Variants in NXPH1 observed in about 807,000 individuals in gnomAD.
NXPH1 encodes the protein neurexophilin 1.
A neutral mutation model predicts 23.7 loss-of-function variants in NXPH1; 5 were observed. The observed-to-expected ratio is 0.21, with a 90% CI of 0.11 to 0.44. The LOEUF (loss-of-function observed/expected upper bound fraction) is 0.44, where lower values mean the gene tolerates loss of function less well. Among genes scored for constraint, NXPH1 ranks in the 20% least tolerant of loss-of-function variants. NXPH1 has a pLI of 0.99. For synonymous variants in NXPH1, 144 were observed against 122.2 expected (o/e 1.18, Z -1.18); for missense variants, 324 against 321.6 (o/e 1.01, Z -0.06).
intron 2 of NXPH1, among the ~76,000 whole-genome samples, chr7:8,664,823 GTCT>G (rs754543750): frequency 3.9e-5 from 6 of 151,916 alleles, no homozygotes; most frequent in Non-Finnish European, 7.4e-5. Context: ...CCATTTGTAT[GTCT>G]TCTTTTAAGA....
At chr7:8,454,944 T>C (rs1013271344) in intron 2 of NXPH1, among the ~76,000 whole-genome samples, 1 of 152,152 alleles carries the variant, frequency 6.6e-6, no homozygotes, top group Admixed American at 6.5e-5. Context: ...TGAAGAGATT[T>C]CAAAAGAAGT....
At chr7:8,652,231 A>C (rs1299059378) in intron 2 of NXPH1, among the ~76,000 whole-genome samples, 1 of 152,186 alleles carries the variant, frequency 6.6e-6, no homozygotes, top group Non-Finnish European at 1.5e-5. Flanking sequence ...GCTGTAACAA[A>C]ATCACCTTTA....
At chr7:8,594,496 G>A (rs186799095) in intron 2 of NXPH1, among the ~76,000 whole-genome samples, 38 of 152,168 alleles carry the variant, frequency 2.5e-4, no homozygotes, top group Admixed American at 2.4e-3. Context: ...TAGATGCATA[G>A]TCTATGTGCC....
chr7:8,480,560 C>G (rs1817055554), intron 2 of NXPH1, among the ~76,000 whole-genome samples: 1 of 152,182 alleles, frequency 6.6e-6, no homozygotes, highest in Non-Finnish European at 1.5e-5. Context: ...ATTTCTAACA[C>G]TTGGTGTCAG....
chr7:8,531,460 C>G (rs1043791128), intron 2 of NXPH1, among the ~76,000 whole-genome samples: 21 of 152,132 alleles, frequency 1.4e-4, no homozygotes, highest in African/African-American at 4.8e-4. Context: ...AATGTGTCAC[C>G]TAATATCAGC....
intron 2 of NXPH1, among the ~76,000 whole-genome samples, chr7:8,513,942 G>C (rs1244415921): frequency 1.3e-5 from 2 of 152,080 alleles, no homozygotes; most frequent in Non-Finnish European, 2.9e-5. Context: ...AGGGCTATGA[G>C]GGAAGGATCT....
At chr7:8,738,028 T>A (rs1780292157) in intron 2 of NXPH1, among the ~76,000 whole-genome samples, 1 of 152,094 alleles carries the variant, frequency 6.6e-6, no homozygotes, top group Non-Finnish European at 1.5e-5. Flanking sequence ...TAGTTAGCAA[T>A]TCATCCAACC....
intron 2 of NXPH1, among the ~76,000 whole-genome samples, chr7:8,642,311 C>G (rs966467007): frequency 2.6e-5 from 4 of 152,268 alleles, no homozygotes; most frequent in South Asian, 4.1e-4. Flanking sequence ...CTTACAGATT[C>G]CAATGTTGCT....
intron 2 of NXPH1, among the ~76,000 whole-genome samples, chr7:8,561,360 A>ACACACACG (rs1178770859): frequency 3.5e-4 from 52 of 150,152 alleles, no homozygotes; most frequent in Admixed American, 1.4e-3. Flanking sequence ...TGACACACAC[A>ACACACACG]CACACACACA....
intron 2 of NXPH1, among the ~76,000 whole-genome samples, chr7:8,561,634 C>G (rs575392913): frequency 8.2e-4 from 124 of 151,690 alleles, no homozygotes; most frequent in Middle Eastern, 3.4e-3. Context: ...TCTTTTGAGG[C>G]TGACTTTTCT....
intron 2 of NXPH1, among the ~76,000 whole-genome samples, chr7:8,690,036 T>C (rs924062321): frequency 2.6e-5 from 4 of 152,212 alleles, no homozygotes; most frequent in African/African-American, 7.2e-5. Flanking sequence ...ACCACTTTTC[T>C]CAGATTCTTT....
At chr7:8,683,331 C>T (rs1356399737) in intron 2 of NXPH1, among the ~76,000 whole-genome samples, 2 of 152,164 alleles carry the variant, frequency 1.3e-5, no homozygotes, top group East Asian at 1.9e-4. Flanking sequence ...CATTTCAATA[C>T]GAGATTTGGA....
chr7:8,711,459 G>T (rs960171306), intron 2 of NXPH1, among the ~76,000 whole-genome samples: 1 of 152,194 alleles, frequency 6.6e-6, no homozygotes, highest in Admixed American at 6.5e-5. Context: ...CTCTTTGGAA[G>T]CTCATAATCT....
intron 2 of NXPH1, among the ~76,000 whole-genome samples, chr7:8,651,879 G>T (rs1411534538): frequency 6.6e-6 from 1 of 152,056 alleles, no homozygotes; most frequent in Non-Finnish European, 1.5e-5. Flanking sequence ...TCTTTTTTGT[G>T]TAGTCTATTA....
intron 2 of NXPH1, among the ~76,000 whole-genome samples, chr7:8,640,553 C>T (rs1820291829): frequency 6.6e-6 from 1 of 151,826 alleles, no homozygotes; most frequent in African/African-American, 2.4e-5. Flanking sequence ...AATGAATTGG[C>T]TTTATTGTGT....
chr7:8,749,683 G>A (rs1028266499), intron 2 of NXPH1, among the ~76,000 whole-genome samples: 1 of 152,172 alleles, frequency 6.6e-6, no homozygotes, highest in African/African-American at 2.4e-5. Flanking sequence ...CTCAGAACTG[G>A]TTCTCCAGGG....
rs191792678 is a variant in NXPH1 at position 8,680,018 on chromosome 7, C to T, written c.55-70990C>T. 8.5e-5 allele frequency among the ~76,000 whole-genome samples: 13 copies of T among 152,376 alleles called. No homozygotes were observed. In the East Asian group the frequency reaches 1.9e-3, roughly 23 times the overall value. ...ACTGGGCAACAGAGCGAGACTACGT[C>T]TCAAAAGCTAAATCATCTGTTTGAA... On this transcript the variant is annotated intron_variant, in intron 2 of 2. Transcript: ENST00000405863.
chr7:8,655,511 C>G (rs1343958946), intron 2 of NXPH1, among the ~76,000 whole-genome samples: 3 of 151,802 alleles, frequency 2.0e-5, no homozygotes, highest in African/African-American at 4.8e-5. Context: ...CGCACACACA[C>G]ACACGCACAC....
intron 2 of NXPH1, among the ~76,000 whole-genome samples, chr7:8,623,809 A>C (rs923970827): frequency 6.6e-6 from 1 of 151,708 alleles, no homozygotes; most frequent in African/African-American, 2.4e-5. Flanking sequence ...TTTACATGTA[A>C]ACCTTTTCTA....
Sources: gnomAD v4.1 joint callset for allele counts (sites outside exome capture counted in the v4.1 genomes callset) on GRCh38, gnomAD v4.1.1 for gene constraint, MANE v1.5 for transcripts, NCBI Gene and HGNC (gene_info 2026-07-23, HGNC 2026-07-21) for gene names.